SGCZ: variants seen among roughly 807,000 people sequenced by gnomAD.
SGCZ encodes sarcoglycan zeta.
A neutral mutation model predicts 41.3 loss-of-function variants in SGCZ; 40 were observed. The observed-to-expected ratio is 0.97, with a 90% CI of 0.75 to 1.26. The LOEUF (loss-of-function observed/expected upper bound fraction) is 1.26, where lower values mean the gene tolerates loss of function less well. SGCZ is among the 50% of genes most tolerant of loss of function. The pLI, the probability that SGCZ is intolerant of heterozygous loss-of-function variation, is 0.00. For synonymous variants in SGCZ, 206 were observed against 137.5 expected, an observed-to-expected ratio of 1.50 and a Z score of -3.49; for missense variants, 552 against 369.8, an observed-to-expected ratio of 1.49 and a Z score of -4.04.
chr8:14,603,120 C>T (rs899949147), intron 1 of SGCZ, among the ~76,000 whole-genome samples: 6 of 152,144 alleles, frequency 3.9e-5, no homozygotes, highest in African/African-American at 4.8e-5. Flanking sequence ...CCTGGGAGTG[C>T]ATTCTCAGGC....
intron 1 of SGCZ, among the ~76,000 whole-genome samples, chr8:14,726,311 C>CATATATATATAT (rs1202306930): frequency 0.044 from 4,701 of 106,802 alleles, 256 homozygotes; most frequent in Non-Finnish European, 0.063. Context: ...TGTGTAAATA[C>CATATATATATAT]ATATATATAT....
At chr8:14,572,671 C>G (rs1030673581) in intron 1 of SGCZ, among the ~76,000 whole-genome samples, 1 of 152,164 alleles carries the variant, frequency 6.6e-6, no homozygotes, top group Non-Finnish European at 1.5e-5. Flanking sequence ...CAAAGTACCA[C>G]GCCTCCCCTT....
At chr8:14,375,443 A>T (rs145661354) in intron 2 of SGCZ, among the ~76,000 whole-genome samples, 3,032 of 152,276 alleles carry the variant, frequency 0.02, 81 homozygotes, top group African/African-American at 0.056. Context: ...AGGTTGACTA[A>T]CTACCTATTT....
intron 1 of SGCZ, among the ~76,000 whole-genome samples, chr8:14,613,963 C>A (rs1335036794): frequency 6.6e-6 from 1 of 152,102 alleles, no homozygotes; most frequent in Admixed American, 6.6e-5. Flanking sequence ...GATGACATGA[C>A]AGATTGATTT....
chr8:14,495,926 G>C (rs907056014), intron 2 of SGCZ, among the ~76,000 whole-genome samples: 3 of 152,084 alleles, frequency 2.0e-5, no homozygotes, highest in African/African-American at 7.2e-5. Context: ...GTTGGATCTA[G>C]GGACTTGAGT....
At chr8:14,926,210 T>C (rs1179329602) in intron 1 of SGCZ, among the ~76,000 whole-genome samples, 2 of 152,204 alleles carry the variant, frequency 1.3e-5, no homozygotes, top group Non-Finnish European at 2.9e-5. Flanking sequence ...ATATGCATGT[T>C]CTTATACTCA....
intron 5 of SGCZ, among the ~76,000 whole-genome samples, chr8:14,127,874 AG>A (rs1341282379): frequency 1.3e-5 from 2 of 152,160 alleles, no homozygotes; most frequent in South Asian, 2.1e-4. Context: ...CCAGGTATTA[AG>A]CCCAGTACCC....
intron 2 of SGCZ, among the ~76,000 whole-genome samples, chr8:14,447,826 T>A (rs1222721162): frequency 1.3e-5 from 2 of 152,188 alleles, no homozygotes; most frequent in Admixed American, 1.3e-4. Flanking sequence ...ATCTTCTTAA[T>A]CCTTTACAGC....
intron 2 of SGCZ, among the ~76,000 whole-genome samples, chr8:14,450,326 A>G (rs952796104): frequency 3.3e-5 from 5 of 152,148 alleles, no homozygotes; most frequent in African/African-American, 1.2e-4. Flanking sequence ...GTATTGCGGT[A>G]TGCATATACG....
chr8:14,873,666 G>A lies in SGCZ; in HGVS notation c.40-318740C>T, dbSNP rs1804246492. ...AAGGCTTGAGTTCAGTCTCCAGCAA[G>A]AATAAAGATGAGAATAGGTCAACTC... is the stretch of plus-strand genomic sequence containing the variant. On this transcript the variant is annotated intron_variant, in intron 1 of 7. Transcript: ENST00000382080. Among the ~76,000 whole-genome samples, 5 of 152,046 alleles carry A rather than the reference G, an allele frequency of 3.3e-5. No homozygotes were observed. In the South Asian group the frequency reaches 1.0e-3, roughly 31 times the overall value.
At chr8:15,085,983 A>G in intron 1 of SGCZ, among the ~76,000 whole-genome samples, 1 of 152,166 alleles carries the variant, frequency 6.6e-6, no homozygotes, top group Admixed American at 6.5e-5. Flanking sequence ...ATTCTTCTGC[A>G]TTTAAGAACA....
intron 3 of SGCZ, among the ~76,000 whole-genome samples, chr8:14,293,108 A>C (rs1310425354): frequency 1.3e-5 from 2 of 152,046 alleles, no homozygotes; most frequent in African/African-American, 4.8e-5. Context: ...AAGTACAGCC[A>C]AAAATGTCCT....
intron 2 of SGCZ, among the ~76,000 whole-genome samples, chr8:14,343,017 G>T (rs979375496): frequency 2.0e-5 from 3 of 152,182 alleles, no homozygotes; most frequent in Non-Finnish European, 4.4e-5. Flanking sequence ...AGGGGCCAAG[G>T]TACAGCTTGG....
chr8:14,119,947 T>C (rs1802648564), intron 5 of SGCZ, among the ~76,000 whole-genome samples: 1 of 152,184 alleles, frequency 6.6e-6, no homozygotes, highest in South Asian at 2.1e-4. Context: ...TTTGATGTGC[T>C]GCTAGATTCA....
At chr8:14,426,296 T>C (rs965032307) in intron 2 of SGCZ, among the ~76,000 whole-genome samples, 3 of 152,076 alleles carry the variant, frequency 2.0e-5, no homozygotes, top group Non-Finnish European at 4.4e-5. Context: ...GGAGGGTGAT[T>C]AGGAATAATT....
chr8:14,681,054 T>A (rs2117540631), intron 1 of SGCZ, among the ~76,000 whole-genome samples: 1 of 150,982 alleles, frequency 6.6e-6, no homozygotes, highest in Middle Eastern at 3.5e-3. Context: ...TAGATGAAAT[T>A]GCCCTAGTTC....
chr8:14,472,122 T>C (rs1801229239), intron 2 of SGCZ, among the ~76,000 whole-genome samples: 1 of 152,110 alleles, frequency 6.6e-6, no homozygotes, highest in Non-Finnish European at 1.5e-5. Flanking sequence ...TGATCATAGG[T>C]CTTACTATAT....
intron 2 of SGCZ, among the ~76,000 whole-genome samples, chr8:14,341,754 G>T (rs180863616): frequency 6.6e-6 from 1 of 152,082 alleles, no homozygotes; most frequent in South Asian, 2.1e-4. Flanking sequence ...GATCTGATGG[G>T]TTTAATCGGG....
At chr8:14,935,222 T>C (rs545592463) in intron 1 of SGCZ, among the ~76,000 whole-genome samples, 1 of 151,922 alleles carries the variant, frequency 6.6e-6, no homozygotes, top group African/African-American at 2.4e-5. Context: ...TTATCTTAAA[T>C]CCATACTTTT....
Sources: gnomAD v4.1 joint callset for allele counts (sites outside exome capture counted in the v4.1 genomes callset) on GRCh38, gnomAD v4.1.1 for gene constraint, MANE v1.5 for transcripts, NCBI Gene and HGNC (gene_info 2026-07-23, HGNC 2026-07-21) for gene names.